The following PIAS1 variants were observed in gnomAD, a reference collection of about 807,000 sequenced individuals.
PIAS1 encodes E3 SUMO-protein ligase PIAS1.
In PIAS1, 6 loss-of-function variants were observed where a neutral mutation model predicts 71.3. The observed-to-expected ratio is 0.08, with a 90% CI of 0.05 to 0.17. PIAS1 has a LOEUF of 0.17. PIAS1 is among the 10% of genes least tolerant of loss of function. PIAS1 has a pLI of 1.00. For missense variants in PIAS1, 555 were observed against 793.6 expected (o/e 0.70, Z 3.61); for synonymous variants, 303 against 292.9 (o/e 1.03, Z -0.35).
At chr15:68,161,937 T>A (rs1420198854) in intron 7 of PIAS1, among the ~76,000 whole-genome samples, 3 of 150,196 alleles carry the variant, frequency 2.0e-5, no homozygotes, top group Admixed American at 6.6e-5. Flanking sequence ...TCAAAAAAAA[T>A]TTTTTTTTCT....
At chr15:68,105,531 G>A (rs1013327208) in intron 2 of PIAS1, among the ~76,000 whole-genome samples, 11 of 152,086 alleles carry the variant, frequency 7.2e-5, no homozygotes. Context: ...AGAATCTGGA[G>A]CTTTTACTAC....
chr15:68,066,252 A>C (rs1168541717), intron 1 of PIAS1, among the ~76,000 whole-genome samples: 1 of 151,518 alleles, frequency 6.6e-6, no homozygotes, highest in African/African-American at 2.4e-5. Flanking sequence ...CCCGAGTAGG[A>C]TGCGCACCAC....
rs1339302834 is a variant in PIAS1 at position 68,178,770 on chromosome 15, T to C, written c.1481+2116T>C. 6.6e-6 allele frequency among the ~76,000 whole-genome samples: 1 copy of C among 152,142 alleles called. No individual in the cohort carries two copies. Among genetic ancestry groups the C allele is most frequent in the Non-Finnish European group, 1.5e-5 (1 of 68,012 alleles). On this transcript the variant is annotated intron_variant, in intron 11 of 13. Transcript: ENST00000249636. The surrounding 1 kb of genome is among the most constrained non-coding windows in gnomAD (Gnocchi z 4.2). ...AATAGTAATATGTATTTATGTAAAC[T>C]ATGCAATAGTATTACTGACTATATA...
intron 2 of PIAS1, among the ~76,000 whole-genome samples, chr15:68,137,136 C>T (rs551941133): frequency 1.3e-5 from 2 of 152,252 alleles, no homozygotes; most frequent in African/African-American, 4.8e-5. Context: ...TCATAAAAAT[C>T]TTCATACTTT....
chr15:68,075,078 C>CTTTTTTT (rs146114696), intron 1 of PIAS1, among the ~76,000 whole-genome samples: 90 of 81,752 alleles, frequency 1.1e-3, no homozygotes, highest in Non-Finnish European at 1.4e-3. Flanking sequence ...TTCTTTCTTT[C>CTTTTTTT]TTTTTTTTTT....
intron 2 of PIAS1, among the ~76,000 whole-genome samples, chr15:68,114,727 T>G (rs1370926398): frequency 6.6e-6 from 1 of 152,074 alleles, no homozygotes; most frequent in African/African-American, 2.4e-5. Context: ...TTTATGTATC[T>G]AGATTTTTTT....
intron 1 of PIAS1, among the ~76,000 whole-genome samples, chr15:68,056,840 T>G (rs931597752): frequency 5.9e-5 from 9 of 152,206 alleles, no homozygotes; most frequent in Non-Finnish European, 1.5e-5. Context: ...AATGATATTT[T>G]CTGAAGGCTT....
chr15:68,164,655 T>G (rs1263735609), intron 7 of PIAS1, 76 bp from the exon 8 acceptor site: 20 of 760,354 alleles, frequency 2.6e-5, no homozygotes, highest in African/African-American at 3.5e-5. Flanking sequence ...CTTTTTATTC[T>G]TTATAGTAAT....
At chr15:68,097,622 G>A (rs1414195581) in intron 2 of PIAS1, among the ~76,000 whole-genome samples, 6 of 151,992 alleles carry the variant, frequency 3.9e-5, no homozygotes, top group African/African-American at 1.2e-4. Context: ...TATTAAATGC[G>A]GGGTTTCCCC....
chr15:68,119,237 C>CAAAAA (rs60879036), intron 2 of PIAS1, among the ~76,000 whole-genome samples: 560 of 27,406 alleles, frequency 0.02, 220 homozygotes, highest in Non-Finnish European at 0.024. Context: ...CCATCTCTAC[C>CAAAAA]AAAAAAAAAA....
intron 2 of PIAS1, among the ~76,000 whole-genome samples, chr15:68,128,574 TAA>T (rs35492116): frequency 6.6e-6 from 1 of 152,108 alleles, no homozygotes; most frequent in African/African-American, 2.4e-5. Context: ...AATTCTGATC[TAA>T]AAAAAAATTT....
At chr15:68,127,354 A>T (rs984041248) in intron 2 of PIAS1, among the ~76,000 whole-genome samples, 7 of 152,058 alleles carry the variant, frequency 4.6e-5, no homozygotes, top group Non-Finnish European at 7.4e-5. Context: ...ACTAGAGAGG[A>T]TGAATGGACC....
At chr15:68,117,338 G>A (rs1321045724) in intron 2 of PIAS1, among the ~76,000 whole-genome samples, 2 of 152,124 alleles carry the variant, frequency 1.3e-5, no homozygotes, top group Non-Finnish European at 2.9e-5. Context: ...CACCTGCCTT[G>A]GCCTCCCAGA....
At chr15:68,099,145 GTTGTTGTTT>G (rs1209229995) in intron 2 of PIAS1, among the ~76,000 whole-genome samples, 2 of 151,684 alleles carry the variant, frequency 1.3e-5, no homozygotes, top group East Asian at 3.9e-4. Context: ...TGTTGTTGTT[GTTGTTGTTT>G]TTAAAAATAT....
chr15:68,103,079 C>T (rs1235316042), intron 2 of PIAS1, among the ~76,000 whole-genome samples: 1 of 151,936 alleles, frequency 6.6e-6, no homozygotes, highest in African/African-American at 2.4e-5. Context: ...AGGTGCGCAC[C>T]ACCACACCCA....
In PIAS1 at chr15:68,191,610, TTGAGG is replaced by T. The variant is rs2093120621; in HGVS notation, c.*3777_*3781del. The T allele has an allele frequency of 6.5e-6, 1 of 152,676 alleles. No homozygotes were observed. Among genetic ancestry groups the T allele is most frequent in the Admixed American group, 6.5e-5 (1 of 15,286 alleles). 9.5% of individuals were successfully genotyped at this position (152,676 alleles called of 1,614,324 possible). On this transcript the variant is annotated 3_prime_UTR_variant, in exon 14 of 14. Coordinates refer to ENST00000249636, the MANE Select transcript of PIAS1 (RefSeq NM_016166.3). ...CTAACTAATTTTCTTGCAGCATGCT[TTGAGG>T]TAAGTAATGAATATAGCCATCATTT...
chr15:68,184,952 A>G (rs982977186), intron 13 of PIAS1: 1 of 153,326 alleles, frequency 6.5e-6, no homozygotes, highest in African/African-American at 2.4e-5. Context: ...GTCATCGATG[A>G]CCCAGCTTTT....
In PIAS1 at chr15:68,124,209, G is replaced by A. The variant is rs28556684; in HGVS notation, c.470-17737G>A. Among the ~76,000 whole-genome samples the A allele has an allele frequency of 5.9e-3, 903 of 152,132 alleles. 6 individuals are homozygous for A. The highest frequency in any genetic ancestry group is 0.021 in the African/African-American group (861 of 41,506). On this transcript the variant is annotated intron_variant, in intron 2 of 13. Coordinates refer to ENST00000249636, the MANE Select transcript of PIAS1 (RefSeq NM_016166.3). ...GGTATTCCAGAGAATTTGAATCAGG[G>A]TATTACTCTTGCATTCTTCAACTAC...
At chr15:68,140,053 A>G (rs140139036) in intron 2 of PIAS1, among the ~76,000 whole-genome samples, 1 of 152,332 alleles carries the variant, frequency 6.6e-6, no homozygotes, top group African/African-American at 2.4e-5. Flanking sequence ...GAAAGGTGCT[A>G]TTCTAGATAA....
Sources: gnomAD v4.1 joint callset for allele counts (sites outside exome capture counted in the v4.1 genomes callset) on GRCh38, gnomAD v4.1.1 for gene constraint, Gnocchi (gnomAD v3.1) non-coding constraint, MANE v1.5 for transcripts, NCBI Gene and HGNC (gene_info 2026-07-23, HGNC 2026-07-21) for gene names.